Variants in TENM3 observed in about 807,000 individuals in gnomAD.
The protein encoded by TENM3 is teneurin-3.
A neutral mutation model predicts 255.1 loss-of-function variants in TENM3; 63 were observed. The ratio of observed to expected loss-of-function variants is 0.25; its 90% CI spans 0.20 to 0.30. The LOEUF is 0.30. TENM3 is among the 10% of genes least tolerant of loss of function. The pLI, the probability that TENM3 is intolerant of heterozygous loss-of-function variation, is 1.00. For synonymous variants in TENM3, 1,306 were observed against 1,322.3 expected, an observed-to-expected ratio of 0.99 and a Z score of 0.27; for missense variants, 2,929 against 3,461.1, an observed-to-expected ratio of 0.85 and a Z score of 3.86.
chr4:181,581,779 C>T, the TENM3 span, among the ~76,000 whole-genome samples: 1 of 150,418 alleles, frequency 6.6e-6, no homozygotes, highest in Non-Finnish European at 1.5e-5. Context: ...ATTGCCCAGG[C>T]TGGAGTGCAG....
At chr4:182,208,591 T>A (rs536934020) in intron 1 of TENM3, among the ~76,000 whole-genome samples, 1 of 152,276 alleles carries the variant, frequency 6.6e-6, no homozygotes, top group Admixed American at 6.5e-5. Context: ...GGGGGAGAGT[T>A]GACATTTTGC....
At chr4:182,006,012 G>A in the TENM3 span, among the ~76,000 whole-genome samples, 3 of 152,082 alleles carry the variant, frequency 2.0e-5, no homozygotes, top group Non-Finnish European at 2.9e-5. Flanking sequence ...TAGCCTGCCA[G>A]CAGAGACAAC....
At chr4:182,343,615 A>T (rs1345018153) in intron 2 of TENM3, among the ~76,000 whole-genome samples, 6 of 151,626 alleles carry the variant, frequency 4.0e-5, no homozygotes, top group Non-Finnish European at 7.4e-5. Context: ...CCTCCCCACT[A>T]CTACAAGCCC....
At chr4:182,248,308 A>G (rs949313658) in intron 1 of TENM3, among the ~76,000 whole-genome samples, 2 of 152,234 alleles carry the variant, frequency 1.3e-5, no homozygotes, top group Non-Finnish European at 2.9e-5. Flanking sequence ...AAGTATATCA[A>G]TAGTCTTAGC....
chr4:182,483,280 T>C (rs1169452717), intron 3 of TENM3, among the ~76,000 whole-genome samples: 1 of 152,198 alleles, frequency 6.6e-6, no homozygotes, highest in African/African-American at 2.4e-5. Flanking sequence ...GAATAAATAG[T>C]AGACGTGCAC....
At chr4:182,277,135 A>T (rs1760057193) in intron 1 of TENM3, among the ~76,000 whole-genome samples, 1 of 152,250 alleles carries the variant, frequency 6.6e-6, no homozygotes. Context: ...GGGAATGTTT[A>T]AAGAAAAAGC....
Position 182,730,203 on chromosome 4 carries a change from T to C in TENM3, c.2589T>C (p.Leu863=), listed in dbSNP as rs1207959819. ...CATTCTTCTGCTTTTCCAACAGCCTTGCATCTGTCATCAGAGGCCAAGTAC... is the reference window on the plus strand; with the variant it reads ...CATTCTTCTGCTTTTCCAACAGCCTCGCATCTGTCATCAGAGGCCAAGTAC... ...IPGESPFNKS[L]ASVIRGQVLT... is the part of the protein sequence containing the mutation. Residue 863 remains leucine (L), a synonymous_variant, in exon 15 of 28, where the codon CTT becomes CTC. Transcript: ENST00000511685. The C allele has an allele frequency of 2.5e-6, 4 of 1,613,802 alleles. No individual in the cohort carries two copies. The highest frequency in any genetic ancestry group is 3.4e-6 in the Non-Finnish European group (4 of 1,179,778).
At chr4:182,624,093 A>C (rs1750584933) in intron 4 of TENM3, among the ~76,000 whole-genome samples, 1 of 152,138 alleles carries the variant, frequency 6.6e-6, no homozygotes, top group African/African-American at 2.4e-5. Context: ...CTGCTTCTCC[A>C]GGAATCACGC....
At chr4:182,119,240 TGCTCCGATGTATTTCGAAATG>T in the TENM3 span, among the ~76,000 whole-genome samples, 1 of 152,132 alleles carries the variant, frequency 6.6e-6, no homozygotes, top group African/African-American at 2.4e-5. Flanking sequence ...AAAAACAAAA[TGCTCCGATGTATTTCGAAATG>T]GCTCCTTTTC....
At chr4:182,288,094 C>T (rs538958145) in intron 1 of TENM3, among the ~76,000 whole-genome samples, 1 of 152,044 alleles carries the variant, frequency 6.6e-6, no homozygotes, top group Admixed American at 6.5e-5. Context: ...TGCACCACCA[C>T]ACCGGCTAAT....
chr4:182,465,545 A>AT (rs925311712), intron 3 of TENM3, among the ~76,000 whole-genome samples: 2 of 151,980 alleles, frequency 1.3e-5, no homozygotes, highest in African/African-American at 2.4e-5. Flanking sequence ...CGTTTATGGA[A>AT]TTTTTTTTAT....
the TENM3 span, among the ~76,000 whole-genome samples, chr4:181,891,906 C>T: frequency 6.6e-6 from 1 of 152,016 alleles, no homozygotes; most frequent in Admixed American, 6.6e-5. Flanking sequence ...GCCATTAAGC[C>T]ATGAGGACTC....
At chr4:182,115,612 A>G in the TENM3 span, among the ~76,000 whole-genome samples, 1 of 152,236 alleles carries the variant, frequency 6.6e-6, no homozygotes, top group African/African-American at 2.4e-5. Flanking sequence ...ACATAATTTC[A>G]GAGGATATCT....
At chr4:181,515,369 C>T in the TENM3 span, among the ~76,000 whole-genome samples, 54 of 152,202 alleles carry the variant, frequency 3.5e-4, no homozygotes, top group Admixed American at 8.5e-4. Flanking sequence ...TTCTCCTTTG[C>T]GCATACTTGA....
chr4:182,351,715 C>T (rs560549734), intron 3 of TENM3, among the ~76,000 whole-genome samples: 1 of 152,280 alleles, frequency 6.6e-6, no homozygotes, highest in South Asian at 2.1e-4. Flanking sequence ...ACAGTCTTTG[C>T]GAATGTGATG....
chr4:181,493,620 G>A, the TENM3 span, among the ~76,000 whole-genome samples: 2 of 151,986 alleles, frequency 1.3e-5, no homozygotes, highest in African/African-American at 2.4e-5. Flanking sequence ...GGTGGTGCAT[G>A]CCTGTAACCT....
intron 1 of TENM3, among the ~76,000 whole-genome samples, chr4:182,267,981 TAC>T (rs1188400944): frequency 1.3e-5 from 2 of 152,200 alleles, no homozygotes; most frequent in Non-Finnish European, 2.9e-5. Context: ...CTCTGACTGT[TAC>T]TCAGAAGAGA....
intron 3 of TENM3, among the ~76,000 whole-genome samples, chr4:182,495,515 ATGAC>A (rs776846765): frequency 6.6e-6 from 1 of 151,254 alleles, no homozygotes; most frequent in Non-Finnish European, 1.5e-5. Flanking sequence ...GAAAAAAAAA[ATGAC>A]TGTATGAATG....
intron 13 of TENM3, among the ~76,000 whole-genome samples, chr4:182,723,015 C>T (rs753499232): frequency 3.9e-5 from 6 of 152,128 alleles, no homozygotes; most frequent in Non-Finnish European, 7.3e-5. Flanking sequence ...TGAGCAGCAG[C>T]GTATTTGGAG....
Sources: allele counts gnomAD v4.1 joint callset (sites outside exome capture counted in the v4.1 genomes callset), GRCh38; gene constraint gnomAD v4.1.1; transcripts MANE v1.5; gene names NCBI Gene and HGNC (gene_info 2026-07-23, HGNC 2026-07-21).